DENND1A: variants seen among roughly 807,000 people sequenced by gnomAD.
DENND1A encodes the protein DENN domain-containing protein 1A.
In DENND1A, 51 loss-of-function variants were observed where a neutral mutation model predicts 113.7. The observed-to-expected ratio is 0.45, with a 90% CI of 0.36 to 0.57. The LOEUF (loss-of-function observed/expected upper bound fraction) is 0.57, where lower values mean the gene tolerates loss of function less well. Ranked by LOEUF, DENND1A falls within the 20% of genes least tolerant of loss-of-function variation. The pLI, the probability that DENND1A is intolerant of heterozygous loss-of-function variation, is 0.00. For synonymous variants in DENND1A, 565 were observed against 570.8 expected (o/e 0.99, Z 0.14); for missense variants, 1,258 against 1,395.9 (o/e 0.90, Z 1.57).
chr9:123,825,931 T>A (rs1238817531), intron 2 of DENND1A, among the ~76,000 whole-genome samples: 1 of 152,246 alleles, frequency 6.6e-6, no homozygotes, highest in Non-Finnish European at 1.5e-5. Context: ...ATCACATGGT[T>A]CCATCAGTTT....
intron 2 of DENND1A, among the ~76,000 whole-genome samples, chr9:123,845,686 A>AG (rs1269810404): frequency 1.3e-5 from 2 of 150,428 alleles, no homozygotes; most frequent in Non-Finnish European, 3.0e-5. Flanking sequence ...AAAAAAAAAA[A>AG]AAAAAAAAAG....
At chr9:123,770,192 T>C (rs560474201) in intron 3 of DENND1A, among the ~76,000 whole-genome samples, 1 of 152,210 alleles carries the variant, frequency 6.6e-6, no homozygotes, top group Non-Finnish European at 1.5e-5. Context: ...ACTATTCTTA[T>C]TGAAATATCA....
chr9:123,452,130 G>T, intron 17 of DENND1A, 146 bp downstream of exon 17: 1 of 690,324 alleles, frequency 1.4e-6, no homozygotes, highest in African/African-American at 1.8e-5. Flanking sequence ...GGAGGTCAAG[G>T]CCTCAGTGAG....
rs140536393 is a variant in DENND1A, at chr9:123,466,061, C to T, written c.994-8164G>A. Among the ~76,000 whole-genome samples the T allele has an allele frequency of 4.4e-4, 67 of 152,204 alleles. 2 individuals carry two copies. In the East Asian group the frequency reaches 0.013, roughly 28 times the overall value. ...TGTCACCCAGGCTGGAGTGCAGTGGCGCGATCTCGGCTCACTACAAGCTCC... is the reference window on the plus strand; with the variant it reads ...TGTCACCCAGGCTGGAGTGCAGTGGTGCGATCTCGGCTCACTACAAGCTCC... On this transcript the variant is annotated intron_variant, in intron 13 of 23. Coordinates refer to ENST00000394215, the MANE Select transcript of DENND1A (RefSeq NM_001352964.2).
chr9:123,826,079 T>C (rs1222250246), intron 2 of DENND1A, among the ~76,000 whole-genome samples: 1 of 152,196 alleles, frequency 6.6e-6, no homozygotes. Context: ...TGAACTTTTG[T>C]TTTTCTCAGT....
chr9:123,555,342 A>G (rs1190240711), intron 13 of DENND1A, among the ~76,000 whole-genome samples: 3 of 152,212 alleles, frequency 2.0e-5, no homozygotes, highest in African/African-American at 7.2e-5. Context: ...CTCACAGGGT[A>G]AAGTTCACTC....
At chr9:123,587,939 C>T (rs1357368931) in intron 11 of DENND1A, among the ~76,000 whole-genome samples, 1 of 152,166 alleles carries the variant, frequency 6.6e-6, no homozygotes, top group Non-Finnish European at 1.5e-5. Flanking sequence ...TATCAACATG[C>T]TCAGAGACTG....
intron 13 of DENND1A, among the ~76,000 whole-genome samples, chr9:123,508,109 A>T (rs1183459663): frequency 6.6e-6 from 1 of 152,250 alleles, no homozygotes; most frequent in Non-Finnish European, 1.5e-5. Context: ...GATGGGACTC[A>T]TCAAGAAACA....
intron 2 of DENND1A, among the ~76,000 whole-genome samples, chr9:123,858,283 G>A (rs1436467619): frequency 3.3e-5 from 5 of 152,202 alleles, no homozygotes; most frequent in African/African-American, 1.2e-4. Context: ...ATAGTCGACT[G>A]ACGTAGTCGA....
chr9:123,646,088 T>C (rs1025974547), intron 9 of DENND1A, among the ~76,000 whole-genome samples: 4 of 152,212 alleles, frequency 2.6e-5, no homozygotes, highest in Non-Finnish European at 5.9e-5. Flanking sequence ...AGGCCCTTAA[T>C]AAACTGGACA....
At chr9:123,508,624 C>T (rs991536994) in intron 13 of DENND1A, among the ~76,000 whole-genome samples, 1 of 152,190 alleles carries the variant, frequency 6.6e-6, no homozygotes, top group Non-Finnish European at 1.5e-5. Flanking sequence ...AGGAAAAATG[C>T]TTGTTTTAAA....
intron 1 of DENND1A, among the ~76,000 whole-genome samples, chr9:123,914,689 G>A (rs1230305053): frequency 6.6e-6 from 1 of 151,954 alleles, no homozygotes; most frequent in East Asian, 1.9e-4. Context: ...GGCTGAAGGT[G>A]ACAGGGAGCC....
At chr9:123,462,677 A>T (rs1171051387) in intron 13 of DENND1A, among the ~76,000 whole-genome samples, 5 of 152,034 alleles carry the variant, frequency 3.3e-5, no homozygotes, top group Admixed American at 3.3e-4. Flanking sequence ...CACGCCTGTA[A>T]CCCCAGCTAC....
intron 12 of DENND1A, among the ~76,000 whole-genome samples, chr9:123,578,216 T>C (rs2058719566): frequency 6.6e-6 from 1 of 152,244 alleles, no homozygotes. Context: ...TGTGCTTTGC[T>C]GGGGATTCCC....
intron 9 of DENND1A, among the ~76,000 whole-genome samples, chr9:123,645,568 C>A (rs1490587880): frequency 6.6e-6 from 1 of 152,184 alleles, no homozygotes; most frequent in African/African-American, 2.4e-5. Context: ...TCCCCAAACT[C>A]CGCAGAACCT....
At chr9:123,919,106 A>G (rs549641356) in intron 1 of DENND1A, among the ~76,000 whole-genome samples, 87 of 152,326 alleles carry the variant, frequency 5.7e-4, no homozygotes, top group Admixed American at 9.8e-4. Context: ...CGCTGATTCA[A>G]ACGAATCCAC....
At chr9:123,538,809 C>CATATATATAT (rs35223887) in intron 13 of DENND1A, among the ~76,000 whole-genome samples, 7 of 22,460 alleles carry the variant, frequency 3.1e-4, no homozygotes, top group East Asian at 1.3e-3. Flanking sequence ...ACAACTCATA[C>CATATATATAT]ATATATATAT....
intron 8 of DENND1A, among the ~76,000 whole-genome samples, chr9:123,654,498 G>A (rs2062830926): frequency 1.3e-5 from 2 of 151,582 alleles, no homozygotes; most frequent in Non-Finnish European, 1.5e-5. Context: ...ATTTTGGTGG[G>A]AGAAAAAAAA....
intron 2 of DENND1A, among the ~76,000 whole-genome samples, chr9:123,821,535 T>C (rs1309610082): frequency 6.6e-6 from 1 of 152,206 alleles, no homozygotes; most frequent in Non-Finnish European, 1.5e-5. Context: ...TTATGGTGGA[T>C]TAGAGGTAAC....
Sources: gnomAD v4.1 joint callset for allele counts (sites outside exome capture counted in the v4.1 genomes callset) on GRCh38, gnomAD v4.1.1 for gene constraint, MANE v1.5 for transcripts, NCBI Gene and HGNC (gene_info 2026-07-23, HGNC 2026-07-21) for gene names.